ACADSB: variants seen among roughly 807,000 people sequenced by gnomAD.
The protein encoded by ACADSB is short/branched chain specific acyl-CoA dehydrogenase, mitochondrial.
Under a neutral mutation model 54.1 loss-of-function variants are expected in ACADSB, and 40 were observed. The observed-to-expected ratio is 0.74, with a 90% confidence interval of 0.57 to 0.96. The LOEUF (loss-of-function observed/expected upper bound fraction) is 0.96. Among genes scored for constraint, ACADSB ranks in the 40% least tolerant of loss-of-function variants. The probability of loss-of-function intolerance (pLI) is 0.00; values close to 1 mark genes in which losing one functional copy is unlikely to be tolerated. For synonymous variants in ACADSB, 182 were observed against 182.8 expected, an observed-to-expected ratio of 1.00 and a Z score of 0.03; for missense variants, 530 against 510.4, an observed-to-expected ratio of 1.04 and a Z score of -0.37.
intron 3 of ACADSB, among the ~76,000 whole-genome samples, chr10:123,038,234 C>T (rs1850425283): frequency 6.6e-6 from 1 of 152,154 alleles, no homozygotes; most frequent in Admixed American, 6.5e-5. Flanking sequence ...TCCTGTAGTG[C>T]ACAGGACAAC....
intron 1 of ACADSB, among the ~76,000 whole-genome samples, chr10:123,026,643 T>G (rs986980248): frequency 2.0e-5 from 3 of 152,124 alleles, no homozygotes; most frequent in African/African-American, 7.2e-5. Context: ...GTGGACTATT[T>G]TGCAACTATT....
chr10:123,053,212 G>A (rs1850656648), intron 10 of ACADSB, 52 bp downstream of exon 10: 2 of 1,445,402 alleles, frequency 1.4e-6, no homozygotes, highest in African/African-American at 2.8e-5. Flanking sequence ...TGCCTCTGTA[G>A]GTATTTTGGC....
intron 1 of ACADSB, among the ~76,000 whole-genome samples, chr10:123,022,883 T>G (rs553200078): frequency 1.3e-5 from 2 of 152,332 alleles, no homozygotes; most frequent in African/African-American, 4.8e-5. Context: ...GCATCAAAAT[T>G]AACTTTAAGA....
chr10:123,025,194 G>A (rs985859378), intron 1 of ACADSB, among the ~76,000 whole-genome samples: 1 of 152,214 alleles, frequency 6.6e-6, no homozygotes, highest in African/African-American at 2.4e-5. Context: ...AGTCGCTCAT[G>A]TCTGCAATCA....
intron 1 of ACADSB, among the ~76,000 whole-genome samples, chr10:123,020,166 T>C (rs1850165394): frequency 6.6e-6 from 1 of 152,074 alleles, no homozygotes; most frequent in Non-Finnish European, 1.5e-5. Flanking sequence ...CTTAGGTATA[T>C]AAAGGAAGGG....
chr10:123,035,997 A>G (rs1850393332), intron 2 of ACADSB, among the ~76,000 whole-genome samples: 1 of 152,224 alleles, frequency 6.6e-6, no homozygotes. Context: ...ACTTAGATTC[A>G]TGTTTGAATA....
intron 1 of ACADSB, among the ~76,000 whole-genome samples, chr10:123,021,963 C>T (rs2133461396): frequency 6.6e-6 from 1 of 151,616 alleles, no homozygotes; most frequent in Non-Finnish European, 1.5e-5. Flanking sequence ...AGTGGCAAGA[C>T]AAAATGGAGA....
chr10:123,019,771 T>G (rs1850159333), intron 1 of ACADSB, among the ~76,000 whole-genome samples: 1 of 152,210 alleles, frequency 6.6e-6, no homozygotes, highest in Non-Finnish European at 1.5e-5. Context: ...TGTTTGTGTA[T>G]CCACTGCTAT....
intron 1 of ACADSB, among the ~76,000 whole-genome samples, chr10:123,009,774 C>T (rs759910479): frequency 2.2e-4 from 33 of 152,382 alleles, no homozygotes; most frequent in Non-Finnish European, 3.7e-4. Context: ...CCCACACAAA[C>T]TGTTAACAGC....
chr10:123,051,104 T>TAACTTACATACATACATACTAGC lies in ACADSB; in HGVS notation c.1049_1050insTTACATACATACATACTAGCAAC (p.Asn352IlefsTer5). On this transcript the variant is annotated stop_gained and frameshift_variant, in exon 9 of 11. Coordinates refer to ENST00000358776, the MANE Select transcript of ACADSB (RefSeq NM_001609.4). LOFTEE classifies it high-confidence loss of function. ...ACCCAGCTGGAAGCTGCAAGATTAC[T>TAACTTACATACATACATACTAGC]AACATACAATGCTGCTAGGCTTTTA... 1 of 1,592,832 alleles carries TAACTTACATACATACATACTAGC rather than the reference T, an allele frequency of 6.3e-7. No individual in the cohort carries two copies. Among genetic ancestry groups the TAACTTACATACATACATACTAGC allele is most frequent in the African/African-American group, 1.4e-5 (1 of 70,466 alleles).
chr10:123,033,058 T>A (rs1465993108), intron 1 of ACADSB, among the ~76,000 whole-genome samples: 1 of 152,212 alleles, frequency 6.6e-6, no homozygotes, highest in Non-Finnish European at 1.5e-5. Flanking sequence ...CCTGTCCATC[T>A]CATCAAGGAG....
intron 1 of ACADSB, among the ~76,000 whole-genome samples, chr10:123,032,400 G>A (rs967318410): frequency 6.6e-6 from 1 of 152,008 alleles, no homozygotes; most frequent in African/African-American, 2.4e-5. Flanking sequence ...AGAAATGTGG[G>A]CAATGTATTA....
chr10:123,032,071 T>C (rs113155856), intron 1 of ACADSB, among the ~76,000 whole-genome samples: 19,645 of 151,830 alleles, frequency 0.13, 1,391 homozygotes, highest in Middle Eastern at 0.21. Flanking sequence ...CCTCTGCCGC[T>C]GGGGTTCAAG....
chr10:123,040,593 CATTA>C lies in ACADSB; in HGVS notation c.437_440del (p.Ile146ThrfsTer3). The C allele has an allele frequency of 1.2e-6, 2 of 1,614,070 alleles. No individual in the cohort carries two copies. Among genetic ancestry groups the C allele is most frequent in the Non-Finnish European group, 1.7e-6 (2 of 1,179,992 alleles). On this transcript the variant is annotated frameshift_variant, in exon 4 of 11. Transcript: ENST00000358776. LOFTEE classifies it high-confidence loss of function. ...GCTGTCTTTTGTGAGATCCAGAACA[CATTA>C]ATTAACACACTGATTAGAAAACATG...
intron 3 of ACADSB, 37 bp downstream of exon 3, chr10:123,037,884 A>G: frequency 7.1e-7 from 1 of 1,408,154 alleles, no homozygotes; most frequent in East Asian, 2.3e-5. Flanking sequence ...AAGCTTCTAT[A>G]ATTAAATTCA....
chr10:123,053,374 TA>T (rs1203084947), intron 10 of ACADSB, among the ~76,000 whole-genome samples: 5 of 152,212 alleles, frequency 3.3e-5, no homozygotes, highest in African/African-American at 9.6e-5. Flanking sequence ...ATTGCCTTTT[TA>T]AATGCCTCAA....
At chr10:123,009,674 C>T (rs557128656) in intron 1 of ACADSB, among the ~76,000 whole-genome samples, 1 of 151,510 alleles carries the variant, frequency 6.6e-6, no homozygotes, top group South Asian at 2.1e-4. Flanking sequence ...GACTCACCGC[C>T]GCCCAGGGGA....
At chr10:123,038,592 A>G (rs1850430231) in intron 3 of ACADSB, among the ~76,000 whole-genome samples, 1 of 152,162 alleles carries the variant, frequency 6.6e-6, no homozygotes. Flanking sequence ...TATTTTTTTT[A>G]ATTTTTAATA....
rs759272234 is a variant in ACADSB at position 123,041,229 on chromosome 10, A to C, written c.531A>C (p.Ser177=). 3.7e-6 allele frequency: 6 copies of C among 1,614,064 alleles called. No individual in the cohort carries two copies. The highest frequency in any genetic ancestry group is 5.1e-6 in the Non-Finnish European group (6 of 1,180,026). Residue 177 remains serine (S), a synonymous_variant, in exon 5 of 11, where the codon TCA becomes TCC. Transcript: ENST00000358776. ...TGTAGGTAGGAAGTTTCTGCCTTTCAGAGGCTGGAGCAGGTAGTGACTCAT... is the reference window on the plus strand; with the variant it reads ...TGTAGGTAGGAAGTTTCTGCCTTTCCGAGGCTGGAGCAGGTAGTGACTCAT... The part of the protein sequence containing the change: ...TTEKVGSFCL[S]EAGAGSDSFA...
Sources: gnomAD v4.1 joint callset for allele counts (sites outside exome capture counted in the v4.1 genomes callset) on GRCh38, gnomAD v4.1.1 for gene constraint, MANE v1.5 for transcripts, NCBI Gene and HGNC (gene_info 2026-07-23, HGNC 2026-07-21) for gene names.